PC: variants seen among roughly 807,000 people sequenced by gnomAD.
The protein encoded by PC is pyruvate carboxylase, mitochondrial.
A neutral mutation model predicts 107.8 loss-of-function variants in PC; 46 were observed. That is an observed-to-expected ratio of 0.43 (90% CI 0.34 to 0.55). The LOEUF (loss-of-function observed/expected upper bound fraction) is 0.55, where lower values mean the gene tolerates loss of function less well. PC is among the 20% of genes least tolerant of loss of function. PC has a pLI of 0.04. For missense variants in PC, 1,241 were observed against 1,643.1 expected (o/e 0.76, Z 4.23); for synonymous variants, 662 against 684.7 (o/e 0.97, Z 0.52).
chr11:66,896,639 G>A (rs1947770145), intron 3 of PC, among the ~76,000 whole-genome samples: 1 of 152,216 alleles, frequency 6.6e-6, no homozygotes, highest in African/African-American at 2.4e-5. Flanking sequence ...GGAAAATGAA[G>A]CCTCACTCTT....
chr11:66,898,485 G>A (rs1452974136), intron 3 of PC, among the ~76,000 whole-genome samples: 3 of 152,164 alleles, frequency 2.0e-5, no homozygotes, highest in Admixed American at 2.0e-4. Flanking sequence ...TTTAAGACCA[G>A]CCTGGCCAAC....
chr11:66,858,896 C>T lies in PC; in HGVS notation c.1368+4878G>A, dbSNP rs550761110. On this transcript the variant is annotated intron_variant, in intron 12 of 22. Coordinates refer to ENST00000393960, the MANE Select transcript of PC (RefSeq NM_001040716.2). This position sits in a 1 kb window ranked among gnomAD's most constrained non-coding sequence, Gnocchi z 5.9. ...ACAGCAGTGCCGAGGGGGGCCGCCC[C>T]GGGCCCTCGGACATCGCCGCCTCCG... 2.2e-5 allele frequency: 35 copies of T among 1,560,048 alleles called. No homozygotes were observed. The highest frequency in any genetic ancestry group is 9.4e-5 in the South Asian group (8 of 85,500).
chr11:66,910,694 G>A (rs1189056581), intron 3 of PC, among the ~76,000 whole-genome samples: 2 of 152,178 alleles, frequency 1.3e-5, no homozygotes, highest in Non-Finnish European at 2.9e-5. Flanking sequence ...AAGGTTTCCA[G>A]GCCTCTACTG....
At chr11:66,950,687 T>C (rs1306729270) in intron 3 of PC, among the ~76,000 whole-genome samples, 1 of 152,010 alleles carries the variant, frequency 6.6e-6, no homozygotes, top group Non-Finnish European at 1.5e-5. Flanking sequence ...GGTGACTGAT[T>C]TTCCCTCTCT....
chr11:66,922,664 C>T (rs1318132205), intron 3 of PC, among the ~76,000 whole-genome samples: 1 of 151,916 alleles, frequency 6.6e-6, no homozygotes, highest in East Asian at 1.9e-4. Context: ...CCTGGTCTTC[C>T]TCCACTCTTT....
intron 12 of PC, chr11:66,860,077 C>A (rs1235843706): frequency 1.3e-6 from 2 of 1,558,038 alleles, no homozygotes; most frequent in South Asian, 1.2e-5. Flanking sequence ...TACGGTTATG[C>A]CAGGCGCCTG....
At chr11:66,904,305 G>A (rs1177537124) in intron 3 of PC, among the ~76,000 whole-genome samples, 1 of 152,078 alleles carries the variant, frequency 6.6e-6, no homozygotes, top group African/African-American at 2.4e-5. Flanking sequence ...GCTTTGGAAG[G>A]ATAATGGGAA....
At chr11:66,951,787 G>A (rs1242317885) in intron 3 of PC, among the ~76,000 whole-genome samples, 3 of 152,032 alleles carry the variant, frequency 2.0e-5, no homozygotes, top group African/African-American at 4.8e-5. Context: ...CTACTCGGGA[G>A]GCTGAGGCAG....
chr11:66,875,767 A>G (rs889666954), intron 3 of PC, among the ~76,000 whole-genome samples: 2 of 152,034 alleles, frequency 1.3e-5, no homozygotes, highest in African/African-American at 4.8e-5. Context: ...GGGTAGAGTA[A>G]CCTTGCTGGA....
intron 3 of PC, among the ~76,000 whole-genome samples, chr11:66,887,595 A>G (rs1947420238): frequency 6.6e-6 from 1 of 152,202 alleles, no homozygotes; most frequent in Non-Finnish European, 1.5e-5. Context: ...AATAGGAGAA[A>G]AGATAAGAAA....
Position 66,852,442 on chromosome 11 carries a change from C to T in PC, c.1822G>A (p.Gly608Arg). Residue 608 changes from glycine (G) to arginine (R), a missense_variant, in exon 15 of 23, where the codon GGA becomes AGA. Gly to Arg is a moderately radical substitution (Grantham distance 125, BLOSUM62 -2). This residue lies in a region of PC where 1,143 missense variants were observed against 1,551.9 expected (regional missense o/e 0.74). Coordinates refer to ENST00000393960, the MANE Select transcript of PC (RefSeq NM_001040716.2). This position sits in a 1 kb window ranked among gnomAD's most constrained non-coding sequence, Gnocchi z 4.7. Reference sequence around the variant, plus strand: ...GCTGCGCAGCATGCCAGCCTACCTCCCCAGTTCTCCATGCTGAAGAGCTTG... The same window carrying T: ...GCTGCGCAGCATGCCAGCCTACCTCTCCAGTTCTCCATGCTGAAGAGCTTG... Reference protein sequence around the residue: ...FSKLFSMENWGGATFDVAMRF... With the variant: ...FSKLFSMENWRGATFDVAMRF... 1 of 1,613,082 alleles carries T rather than the reference C, an allele frequency of 6.2e-7. No homozygotes were observed. Among genetic ancestry groups the T allele is most frequent in the Non-Finnish European group, 8.5e-7 (1 of 1,179,250 alleles).
intron 22 of PC, 32 bp downstream of exon 22, chr11:66,849,198 C>G (rs369100780): frequency 6.2e-7 from 1 of 1,613,676 alleles, no homozygotes; most frequent in Non-Finnish European, 8.5e-7. Context: ...AGCCAAGCCC[C>G]ACCGCCTGGC....
chr11:66,943,779 A>G lies in PC; in HGVS notation c.-1+8651T>C, dbSNP rs1439060613. ...TCAAAAAAAAAAAAAAAAAAAAAAA[A>G]AAAAAAGAAATTTCTCAACATGGTG... On this transcript the variant is annotated intron_variant, in intron 3 of 22. Coordinates refer to ENST00000393960, the MANE Select transcript of PC (RefSeq NM_001040716.2). Among the ~76,000 whole-genome samples, 48 of 147,072 alleles carry G rather than the reference A, an allele frequency of 3.3e-4. 2 individuals are homozygous for G. The South Asian group carries it at 0.01, about 31-fold the overall frequency.
rs1054468487 is a variant in PC, at chr11:66,870,986, T to C, written c.633+66A>G. 55 of 1,609,952 alleles carry C rather than the reference T, an allele frequency of 3.4e-5. 1 individual carries two copies. The East Asian group carries it at 1.1e-3, about 33-fold the overall frequency. ...CCACCCACTTTCCAGATCCCTTGAG[T>C]GGTCCGCCCCTGCCCCCACGGCAGG... On this transcript the variant is annotated intron_variant, in intron 7 of 22. Coordinates refer to ENST00000393960, the MANE Select transcript of PC (RefSeq NM_001040716.2). The surrounding 1 kb of genome is among the most constrained non-coding windows in gnomAD (Gnocchi z 6.1).
rs1185836518 is a variant in PC at position 66,863,890 on chromosome 11, T to A, written c.1252A>T (p.Ile418Phe). Residue 418 changes from isoleucine (I) to phenylalanine (F), a missense_variant, in exon 12 of 23, where the codon ATC becomes TTC. Physicochemically the swap from Ile to Phe is conservative, Grantham distance 21. Transcript: ENST00000393960. ...DNASAFQGAV[I>F]SPHYDSLLVK... ...AGCAGGGAGTCGTAGTGGGGCGAGA[T>A]GACGGCTCCTTGGAAGGCGGAAGCA... 1 of 1,613,864 alleles carries A rather than the reference T, an allele frequency of 6.2e-7. No homozygotes were observed. The highest frequency in any genetic ancestry group is 1.3e-5 in the African/African-American group (1 of 74,884).
chr11:66,927,181 G>A (rs866255331), intron 3 of PC, among the ~76,000 whole-genome samples: 3 of 129,670 alleles, frequency 2.3e-5, no homozygotes, highest in South Asian at 3.3e-4. Context: ...TTTGAATAAC[G>A]CTGCTGTGAA....
Position 66,872,132 on chromosome 11 carries a change from C to T in PC, c.28G>A (p.Gly10Ser). Reference sequence around the variant, plus strand: ...CGGCGGATTCCCAGGAGCCTCAGGCCCCCATGGACTGTTCGGAACTTCAGC... The same window carrying T: ...CGGCGGATTCCCAGGAGCCTCAGGCTCCCATGGACTGTTCGGAACTTCAGC... MLKFRTVHG[G>S]LRLLGIRRTS... is the part of the protein sequence containing the mutation. Residue 10 changes from glycine (G) to serine (S), a missense_variant, in exon 4 of 23, where the codon GGC (glycine) becomes AGC (serine). Gly to Ser is a moderately conservative substitution (Grantham distance 56). Coordinates refer to ENST00000393960, the MANE Select transcript of PC (RefSeq NM_001040716.2). 3 of 1,581,856 alleles carry T rather than the reference C, an allele frequency of 1.9e-6. No individual in the cohort carries two copies. Among genetic ancestry groups the T allele is most frequent in the South Asian group, 2.3e-5 (2 of 86,322 alleles).
Position 66,862,149 on chromosome 11 carries a change from C to T in PC, c.1368+1625G>A, listed in dbSNP as rs530264754. 9.8e-5 allele frequency among the ~76,000 whole-genome samples: 15 copies of T among 152,298 alleles called. No homozygotes were observed. In the South Asian group the frequency reaches 2.1e-3, roughly 21 times the overall value. The stretch of plus-strand genomic sequence containing the variant: ...GACATCCCCGCCAGGACACCAGGAG[C>T]CGCAGCAAGGTGCAGGGGGAGCGCG... On this transcript the variant is annotated intron_variant, in intron 12 of 22. Coordinates refer to ENST00000393960, the MANE Select transcript of PC (RefSeq NM_001040716.2).
At chr11:66,921,401 AC>A (rs1365803870) in intron 3 of PC, among the ~76,000 whole-genome samples, 1 of 152,206 alleles carries the variant, frequency 6.6e-6, no homozygotes, top group African/African-American at 2.4e-5. Context: ...TAAGCAAAGA[AC>A]CCTGCTTCCT....
Sources: allele counts gnomAD v4.1 joint callset (sites outside exome capture counted in the v4.1 genomes callset), GRCh38; gene constraint gnomAD v4.1.1; regional missense constraint gnomAD v4.1.1; non-coding constraint Gnocchi (gnomAD v3.1); transcripts MANE v1.5; gene names NCBI Gene and HGNC (gene_info 2026-07-23, HGNC 2026-07-21).